The following FBXL18 variants were observed in gnomAD, a reference collection of about 807,000 sequenced individuals.
FBXL18 encodes the protein F-box and leucine rich repeat protein 18.
FBXL18 carries 36 observed loss-of-function variants against 46.0 expected under a neutral mutation model. That is an observed-to-expected ratio of 0.78 (90% CI 0.60 to 1.03). The LOEUF (loss-of-function observed/expected upper bound fraction) is 1.03, where lower values mean the gene tolerates loss of function less well. FBXL18 is among the 50% of genes least tolerant of loss of function. FBXL18 has a pLI of 0.00. For synonymous variants in FBXL18, 557 were observed against 465.3 expected, an observed-to-expected ratio of 1.20 and a Z score of -2.54; for missense variants, 977 against 1,004.1, an observed-to-expected ratio of 0.97 and a Z score of 0.36.
intron 4 of FBXL18, among the ~76,000 whole-genome samples, chr7:5,461,663 A>T (rs1171454603): frequency 1.3e-5 from 2 of 152,136 alleles, no homozygotes; most frequent in Non-Finnish European, 2.9e-5. Flanking sequence ...AAAATTGGCC[A>T]GGCGCAGTGG....
At chr7:5,463,745 T>TA (rs1783299428) in intron 4 of FBXL18, among the ~76,000 whole-genome samples, 2 of 62,842 alleles carry the variant, frequency 3.2e-5, no homozygotes, top group Admixed American at 3.3e-4. Flanking sequence ...TTTTTTTTTT[T>TA]TTTTTTTTTT....
chr7:5,512,406 G>C (rs985825990), intron 1 of FBXL18, among the ~76,000 whole-genome samples: 1 of 151,752 alleles, frequency 6.6e-6, no homozygotes, highest in Admixed American at 6.6e-5. Context: ...CCTGAGGTCA[G>C]GAGTTCGAGA....
intron 1 of FBXL18, among the ~76,000 whole-genome samples, chr7:5,508,447 A>C (rs1159924132): frequency 6.6e-6 from 1 of 151,214 alleles, no homozygotes; most frequent in Admixed American, 6.6e-5. Context: ...GTCTAAAAAA[A>C]AAAAAAAAAA....
At chr7:5,468,401 G>A (rs148347770) in intron 4 of FBXL18, among the ~76,000 whole-genome samples, 1,966 of 152,200 alleles carry the variant, frequency 0.013, 38 homozygotes, top group African/African-American at 0.038. Flanking sequence ...ACAGGCGTGA[G>A]CCACCACGCC....
rs778987984 is a variant in FBXL18, at chr7:5,455,549, G to A, written c.2001-7706C>T. On this transcript the variant is annotated intron_variant and NMD_transcript_variant, in intron 4 of 6. Coordinates refer to the FBXL18 transcript ENST00000415009. This position sits in a 1 kb window ranked among gnomAD's most constrained non-coding sequence, Gnocchi z 4.6. ...TCCTGTCCTCCCTGATTCCCCACAG[G>A]ACAGTGCCATCCCCTCGGTGGGAAT... Among the ~76,000 whole-genome samples the A allele has an allele frequency of 6.6e-6, 1 of 152,058 alleles. No homozygotes were observed. The highest frequency in any genetic ancestry group is 2.4e-5 in the African/African-American group (1 of 41,414).
At chr7:5,485,430 T>C (rs1469990809) in intron 4 of FBXL18, among the ~76,000 whole-genome samples, 1 of 152,182 alleles carries the variant, frequency 6.6e-6, no homozygotes, top group East Asian at 1.9e-4. Context: ...TGACTGGGTG[T>C]TCACACTCAT....
chr7:5,459,542 C>T (rs997693236), intron 4 of FBXL18, among the ~76,000 whole-genome samples: 2 of 152,158 alleles, frequency 1.3e-5, no homozygotes, highest in African/African-American at 4.8e-5. Context: ...AGATCAAGAC[C>T]ATCCTGGCTA....
At chr7:5,468,926 C>T (rs4431504) in intron 4 of FBXL18, among the ~76,000 whole-genome samples, 98,414 of 151,948 alleles carry the variant, frequency 0.65, 32,094 homozygotes, top group East Asian at 0.81. Context: ...ATCAAACTGG[C>T]TGTGTTCACT....
In FBXL18 at chr7:5,500,823, C is replaced by T. The variant is rs368644958; in HGVS notation, c.1446G>A (p.Leu482=). The change falls in exon 3 of 5, where the codon CTG becomes CTA. Residue 482 remains leucine (L), a synonymous_variant. Transcript: ENST00000382368. ...TCAGCTCGAGGTGTTCCAGGAAGGGCAGGTTCTTCAGCAGAGACCAGAACA... is the reference window on the plus strand; with the variant it reads ...TCAGCTCGAGGTGTTCCAGGAAGGGTAGGTTCTTCAGCAGAGACCAGAACA... ...SSVFWSLLKN[L]PFLEHLELIG... 1.2e-6 allele frequency: 2 copies of T among 1,612,108 alleles called. No homozygotes were observed. Among genetic ancestry groups the T allele is most frequent in the East Asian group, 2.2e-5 (1 of 44,874 alleles).
At chr7:5,509,434 C>T (rs942395019) in intron 1 of FBXL18, among the ~76,000 whole-genome samples, 2 of 151,994 alleles carry the variant, frequency 1.3e-5, no homozygotes, top group African/African-American at 2.4e-5. Context: ...TGGCTCACGC[C>T]CGTAATCCCC....
intron 4 of FBXL18, among the ~76,000 whole-genome samples, chr7:5,484,475 A>C (rs1280503001): frequency 6.6e-6 from 1 of 151,056 alleles, no homozygotes; most frequent in South Asian, 2.1e-4. Flanking sequence ...GTCTCAAAAA[A>C]AAAAAAAAAA....
intron 4 of FBXL18, among the ~76,000 whole-genome samples, chr7:5,461,475 G>A (rs1395586447): frequency 1.3e-5 from 2 of 152,120 alleles, no homozygotes; most frequent in Non-Finnish European, 2.9e-5. Flanking sequence ...ATTACAAGAC[G>A]CCATCCCTAC....
chr7:5,473,607 C>CA (rs541826466), downstream of FBXL18, among the ~76,000 whole-genome samples: 109 of 143,284 alleles, frequency 7.6e-4, no homozygotes, highest in African/African-American at 2.5e-3. Context: ...ACTAAAAATA[C>CA]AAAAAACAGC....
At chr7:5,482,843 C>T (rs1783683013) in intron 4 of FBXL18, among the ~76,000 whole-genome samples, 1 of 151,970 alleles carries the variant, frequency 6.6e-6, no homozygotes, top group Admixed American at 6.6e-5. Context: ...CCAGAACAGC[C>T]TGGGCAACAT....
rs1356788890 is a variant in FBXL18, at chr7:5,499,712, G to GCACACCCTCATTCTACAC, written c.1781+775_1781+776insGTGTAGAATGAGGGTGTG. On this transcript the variant is annotated intron_variant, in intron 3 of 4. Coordinates refer to ENST00000382368, the MANE Select transcript of FBXL18 (RefSeq NM_024963.6). ...CGCCACTGCACTCCAGCCTGGGTGT[G>GCACACCCTCATTCTACAC]TAGAATGAGACTCTGTCTCAAAAAA... 4.4e-5 allele frequency among the ~76,000 whole-genome samples: 6 copies of GCACACCCTCATTCTACAC among 137,854 alleles called. No individual in the cohort carries two copies. The East Asian group carries it at 1.0e-3, about 24-fold the overall frequency. 90.4% of individuals were successfully genotyped at this position (137,854 alleles called of 152,430 possible). A position where few individuals can be genotyped will look rare whatever the true frequency, so the allele number is the denominator to read the frequency against.
downstream of FBXL18, among the ~76,000 whole-genome samples, chr7:5,472,317 G>A (rs1783438595): frequency 6.6e-6 from 1 of 151,952 alleles, no homozygotes; most frequent in African/African-American, 2.4e-5. Flanking sequence ...CACTCATCCT[G>A]GCAAGTGGGG....
At position 5,500,706 on chromosome 7, in the gene FBXL18, G is replaced by A. The variant is rs1179739961; in HGVS notation, c.1563C>T (p.Asp521=). The part of the protein sequence containing the change: ...PPCSRAQSVG[D]SEVAAIGQLA... ...GCTGGCCGATGGCGGCCACCTCCGA[G>A]TCCCCGACACTCTGTGCGCGGCTGC... Residue 521 remains aspartate, a synonymous_variant, in exon 3 of 5, where the codon GAC becomes GAT. Coordinates refer to ENST00000382368, the MANE Select transcript of FBXL18 (RefSeq NM_024963.6). The A allele has an allele frequency of 2.5e-6, 4 of 1,611,102 alleles. No homozygotes were observed. The highest frequency in any genetic ancestry group is 2.5e-6 in the Non-Finnish European group (3 of 1,179,140).
chr7:5,469,002 TGTGTGGTGTGC>T (rs1433238207), intron 4 of FBXL18, among the ~76,000 whole-genome samples: 1 of 144,686 alleles, frequency 6.9e-6, no homozygotes, highest in Non-Finnish European at 1.5e-5. Flanking sequence ...GAATTGAGAG[TGTGTGGTGTGC>T]GGGTGTGATG....
In FBXL18 at chr7:5,475,802, T is replaced by C. The variant is rs765880907; in HGVS notation, c.*5973A>G. On this transcript the variant is annotated 3_prime_UTR_variant, in exon 5 of 5. Transcript: ENST00000382368. The surrounding 1 kb of genome is among the most constrained non-coding windows in gnomAD (Gnocchi z 4.2). The stretch of plus-strand genomic sequence containing the variant: ...GGAAGGACCACACAGCCGCCTGGCT[T>C]TCTAAATCAAGTCCATTTTATTTGA... 1.3e-5 allele frequency: 2 copies of C among 152,236 alleles called. No homozygotes were observed. Among genetic ancestry groups the C allele is most frequent in the Admixed American group, 6.5e-5 (1 of 15,276 alleles). The allele number at this position is 152,236 out of a possible 1,614,324, so 9.4% of individuals were successfully genotyped here.
Sources: allele counts gnomAD v4.1 joint callset (sites outside exome capture counted in the v4.1 genomes callset), GRCh38; gene constraint gnomAD v4.1.1; non-coding constraint Gnocchi (gnomAD v3.1); transcripts MANE v1.5; gene names NCBI Gene and HGNC (gene_info 2026-07-23, HGNC 2026-07-21).